Variants in SPTA1 observed in about 807,000 individuals in gnomAD.
SPTA1 encodes spectrin alpha chain, erythrocytic 1.
A neutral mutation model predicts 324.7 loss-of-function variants in SPTA1; 177 were observed. The ratio of observed to expected loss-of-function variants is 0.55; its 90% confidence interval spans 0.48 to 0.62. The LOEUF (loss-of-function observed/expected upper bound fraction) is 0.62. SPTA1 is among the 20% of genes least tolerant of loss of function. SPTA1 has a pLI of 0.00. For synonymous variants in SPTA1, 1,195 were observed against 1,041.3 expected, an observed-to-expected ratio of 1.15 and a Z score of -2.84; for missense variants, 3,162 against 2,883.6, an observed-to-expected ratio of 1.10 and a Z score of -2.21.
At chr1:158,626,363 T>A in intron 41 of SPTA1, 141 bp from the exon 42 acceptor site, 1 of 804,862 alleles carries the variant, frequency 1.2e-6, no homozygotes, top group Non-Finnish European at 2.1e-6. Flanking sequence ...ATGTGAGCAG[T>A]GGGACCAATG....
chr1:158,649,874 G>A lies in SPTA1; in HGVS notation c.3551C>T (p.Ala1184Val). The change falls in exon 25 of 52, where the codon GCT becomes GTT. Residue 1184 changes from alanine to valine, a missense_variant. Ala to Val is a moderately conservative substitution (Grantham distance 64). Transcript: ENST00000643759. ...TTATTACCTGTGAAACACTTCAACA[G>A]CATGGGCACTGCCCAGCAGCTGCCG... ...EQRQLLGSAH[A>V]VEVFHREADD... The A allele has an allele frequency of 6.2e-7, 1 of 1,613,696 alleles. No individual in the cohort carries two copies. The highest frequency in any genetic ancestry group is 1.1e-5 in the South Asian group (1 of 91,044).
chr1:158,640,808 C>G (rs1267007499), intron 33 of SPTA1, among the ~76,000 whole-genome samples: 3 of 152,184 alleles, frequency 2.0e-5, no homozygotes, highest in African/African-American at 7.2e-5. Flanking sequence ...GAAAAAACTA[C>G]TTTAAAGTTC....
rs1000809260 is a variant in SPTA1 at position 158,640,023 on chromosome 1, T to A, written c.4738-16A>T. 5 of 1,613,282 alleles carry A rather than the reference T, an allele frequency of 3.1e-6. No homozygotes were observed. The African/African-American group carries it at 5.4e-5, about 17-fold the overall frequency. On this transcript the variant is annotated splice_polypyrimidine_tract_variant and intron_variant, in intron 33 of 51. Transcript: ENST00000643759. ...CCAGTTGCTCCTAACCCAAGGAGAGTGAGGAGTCATTACAATCTTTAGGAT... is the reference window on the plus strand; with the variant it reads ...CCAGTTGCTCCTAACCCAAGGAGAGAGAGGAGTCATTACAATCTTTAGGAT...
chr1:158,669,620 T>C, intron 13 of SPTA1, 57 bp from the exon 14 acceptor site: 1 of 1,614,078 alleles, frequency 6.2e-7, no homozygotes, highest in African/African-American at 1.3e-5. Flanking sequence ...ACATGTGAGA[T>C]TCGCTGACCA....
intron 20 of SPTA1, among the ~76,000 whole-genome samples, chr1:158,656,203 A>C (rs907583179): frequency 6.6e-6 from 1 of 152,180 alleles, no homozygotes; most frequent in African/African-American, 2.4e-5. Context: ...GACATTTAAT[A>C]AGTTTTGGCA....
intron 25 of SPTA1, 67 bp downstream of exon 25, chr1:158,649,789 T>C (rs1013683044): frequency 1.6e-6 from 2 of 1,265,442 alleles, no homozygotes; most frequent in Non-Finnish European, 2.3e-6. Flanking sequence ...TCCACCATAG[T>C]AATAGACTTA....
intron 20 of SPTA1, 47 bp downstream of exon 20, chr1:158,656,517 C>A: frequency 6.5e-7 from 1 of 1,536,670 alleles, no homozygotes. Flanking sequence ...ATTTCTTTTT[C>A]TTTGTGGTGG....
At chr1:158,670,304 C>A (rs2101911663) in intron 12 of SPTA1, among the ~76,000 whole-genome samples, 1 of 152,160 alleles carries the variant, frequency 6.6e-6, no homozygotes, top group African/African-American at 2.4e-5. Flanking sequence ...CAGAAATCCC[C>A]CAAATTGCTA....
rs767968890 is a variant in SPTA1 at position 158,620,325 on chromosome 1, A to T, written c.6262T>A (p.Phe2088Ile). The change falls in exon 44 of 52, where the codon TTC becomes ATC. Residue 2088 changes from phenylalanine to isoleucine, a missense_variant. Physicochemically the swap from Phe to Ile is conservative, Grantham distance 21. Transcript: ENST00000643759. Reference protein sequence around the residue: ...IRQLQKDHEDFLASLARAQAD... With the variant: ...IRQLQKDHEDILASLARAQAD... ...TGAGCCCTAGCCAGGGAGGCCAAGAAGTCCTCATGGTCTTTCTGCAGCTGC... is the reference window on the plus strand; with the variant it reads ...TGAGCCCTAGCCAGGGAGGCCAAGATGTCCTCATGGTCTTTCTGCAGCTGC... The T allele has an allele frequency of 4.3e-6, 7 of 1,614,116 alleles. No homozygotes were observed. Among genetic ancestry groups the T allele is most frequent in the Non-Finnish European group, 5.9e-6 (7 of 1,180,034 alleles).
At chr1:158,636,082 C>A (rs754333143) in intron 37 of SPTA1, 48 bp from the exon 38 acceptor site, 2 of 1,613,938 alleles carry the variant, frequency 1.2e-6, no homozygotes, top group Non-Finnish European at 1.7e-6. Context: ...AATCTCTCCC[C>A]ATTTAGCCAT....
rs1486826185 is a variant in SPTA1, at chr1:158,615,418, G to A, written c.6601-15C>T. 1.2e-6 allele frequency: 2 copies of A among 1,613,760 alleles called. No individual in the cohort carries two copies. Among genetic ancestry groups the A allele is most frequent in the African/African-American group, 1.3e-5 (1 of 75,032 alleles). ...TTCTGTTTTCTCTGGAAAAACGACAGAGAAGAGAGACAATTAGTTGCCCAG... is the reference window on the plus strand; with the variant it reads ...TTCTGTTTTCTCTGGAAAAACGACAAAGAAGAGAGACAATTAGTTGCCCAG... On this transcript the variant is annotated splice_polypyrimidine_tract_variant and intron_variant, in intron 47 of 51. Transcript: ENST00000643759.
intron 34 of SPTA1, 28 bp downstream of exon 34, chr1:158,639,842 T>A: frequency 6.2e-7 from 1 of 1,613,920 alleles, no homozygotes; most frequent in East Asian, 2.2e-5. Context: ...TAAACTCTTG[T>A]GTCTCTACTG....
At position 158,635,954 on chromosome 1, in the gene SPTA1, A is replaced by C. The variant is rs771559306; in HGVS notation, c.5391T>G (p.Phe1797Leu). ...CTTTGAGCTTCTCCCAGTGTTCAAC[A>C]AACTGAGCCAGCCGCAACTGGATCT... Reference protein sequence around the residue: ...QEEIQLRLAQFVEHWEKLKEL... With the variant: ...QEEIQLRLAQLVEHWEKLKEL... Residue 1797 changes from phenylalanine (F) to leucine (L), a missense_variant, in exon 38 of 52, where the codon TTT (phenylalanine) becomes TTG (leucine). Phe to Leu is a conservative substitution (Grantham distance 22). Transcript: ENST00000643759. 2.7e-5 allele frequency: 43 copies of C among 1,614,044 alleles called. No individual in the cohort carries two copies. The South Asian group carries it at 4.6e-4, about 17-fold the overall frequency.
chr1:158,645,622 C>T (rs370008883), intron 27 of SPTA1, 28 bp from the exon 28 acceptor site: 1 of 1,612,764 alleles, frequency 6.2e-7, no homozygotes, highest in East Asian at 2.2e-5. Flanking sequence ...TTGGAATTGA[C>T]AAGAAAACCT....
intron 14 of SPTA1, among the ~76,000 whole-genome samples, chr1:158,668,423 G>T (rs747194539): frequency 5.9e-5 from 9 of 152,188 alleles, no homozygotes; most frequent in African/African-American, 9.6e-5. Context: ...CCCATATAGA[G>T]ATCTGTTTAT....
At chr1:158,640,978 A>T (rs1235469812) in intron 33 of SPTA1, among the ~76,000 whole-genome samples, 1 of 152,238 alleles carries the variant, frequency 6.6e-6, no homozygotes, top group East Asian at 1.9e-4. Flanking sequence ...CCAACGGAAC[A>T]GAACAGAGCC....
rs542391577 is a variant in SPTA1, at chr1:158,634,740, G to A, written c.5433-65C>T. ...ACTGGTAAGCAGTGGGAGTACAGTG[G>A]GGTGGCACAATCTCATTCAGGCAGA... On this transcript the variant is annotated intron_variant, in intron 38 of 51. Transcript: ENST00000643759. The A allele has an allele frequency of 5.0e-6, 8 of 1,596,720 alleles. No homozygotes were observed. In the East Asian group the frequency reaches 1.8e-4, roughly 36 times the overall value.
In SPTA1 at chr1:158,662,756, C is replaced by T. The variant is rs754194243; in HGVS notation, c.2410G>A (p.Asp804Asn). ...GTCTCTTGGATCCAGGCCTCCTCAT[C>T]CTCTGTGTCTCTACAAATCAGCTGC... ...HLQLICRDTEDEEAWIQETEP... is the reference protein window; with the variant it reads ...HLQLICRDTENEEAWIQETEP... Residue 804 changes from aspartate to asparagine, a missense_variant, in exon 17 of 52, where the codon GAT (aspartate) becomes AAT (asparagine). By Grantham distance (23) the Asp-to-Asn change is conservative. Transcript: ENST00000643759. 2.3e-5 allele frequency: 37 copies of T among 1,613,906 alleles called. No individual in the cohort carries two copies. The highest frequency in any genetic ancestry group is 2.7e-5 in the Non-Finnish European group (32 of 1,179,982).
chr1:158,680,886 A>G (rs1357297130), intron 4 of SPTA1, among the ~76,000 whole-genome samples, 157 bp from the exon 5 acceptor site: 2 of 152,150 alleles, frequency 1.3e-5, no homozygotes, highest in Non-Finnish European at 2.9e-5. Flanking sequence ...CAGCAGAAGT[A>G]TATTTGTTAA....
Sources: allele counts gnomAD v4.1 joint callset (sites outside exome capture counted in the v4.1 genomes callset), GRCh38; gene constraint gnomAD v4.1.1; transcripts MANE v1.5; gene names NCBI Gene and HGNC (gene_info 2026-07-23, HGNC 2026-07-21).